The following MCC variants were observed in gnomAD, a reference collection of about 807,000 sequenced individuals.
MCC encodes the protein colorectal mutant cancer protein.
In MCC, 90 loss-of-function variants were observed where a neutral mutation model predicts 116.2. The ratio of observed to expected loss-of-function variants is 0.77; its 90% confidence interval spans 0.65 to 0.92. The LOEUF (loss-of-function observed/expected upper bound fraction) is 0.92. Ranked by LOEUF, MCC falls within the 40% of genes least tolerant of loss-of-function variation. The pLI is 0.00. For missense variants in MCC, 1,516 were observed against 1,312.2 expected, an observed-to-expected ratio of 1.16 and a Z score of -2.40; for synonymous variants, 578 against 510.5, an observed-to-expected ratio of 1.13 and a Z score of -1.78.
chr5:113,078,278 A>G (rs1327572112), intron 11 of MCC, among the ~76,000 whole-genome samples: 1 of 152,250 alleles, frequency 6.6e-6, no homozygotes, highest in Non-Finnish European at 1.5e-5. Context: ...CAATAGAAAA[A>G]GAGGGAATCC....
At chr5:113,203,074 A>C (rs1471912744) in intron 3 of MCC, among the ~76,000 whole-genome samples, 2 of 152,140 alleles carry the variant, frequency 1.3e-5, no homozygotes, top group East Asian at 3.9e-4. Flanking sequence ...TTGTAGAGAG[A>C]AGCCAATACT....
At chr5:113,268,016 C>T (rs1765480707) in intron 3 of MCC, among the ~76,000 whole-genome samples, 1 of 152,094 alleles carries the variant, frequency 6.6e-6, no homozygotes, top group Non-Finnish European at 1.5e-5. Context: ...CCTTTCTGTT[C>T]CCTTCCTTCA....
chr5:113,410,872 G>A (rs544014110), intron 1 of MCC, among the ~76,000 whole-genome samples: 7 of 152,194 alleles, frequency 4.6e-5, no homozygotes, highest in East Asian at 3.9e-4. Context: ...TTTTCTGTCC[G>A]TGTGATAGTT....
chr5:113,365,516 A>G (rs6860495), intron 2 of MCC, among the ~76,000 whole-genome samples: 67,044 of 151,954 alleles, frequency 0.44, 16,253 homozygotes, highest in African/African-American at 0.64. Flanking sequence ...ATCTTCTTCT[A>G]AGCCCTCCAC....
At chr5:113,199,121 T>C (rs1762567749) in intron 3 of MCC, among the ~76,000 whole-genome samples, 1 of 151,784 alleles carries the variant, frequency 6.6e-6, no homozygotes, top group Non-Finnish European at 1.5e-5. Flanking sequence ...TGAGCCAAGA[T>C]TGCACCACTG....
intron 5 of MCC, among the ~76,000 whole-genome samples, chr5:113,137,565 T>G (rs180831358): frequency 1.3e-5 from 2 of 152,266 alleles, no homozygotes; most frequent in East Asian, 3.9e-4. Flanking sequence ...TGAATGACCT[T>G]TTTATTGTGC....
At chr5:113,278,275 G>A (rs1331517012) in intron 3 of MCC, among the ~76,000 whole-genome samples, 1 of 152,098 alleles carries the variant, frequency 6.6e-6, no homozygotes, top group East Asian at 1.9e-4. Flanking sequence ...CTAAAGACAG[G>A]ATCTGTCTCA....
At chr5:113,083,781 T>G (rs1321770153) in intron 10 of MCC, among the ~76,000 whole-genome samples, 1 of 152,186 alleles carries the variant, frequency 6.6e-6, no homozygotes, top group Non-Finnish European at 1.5e-5. Context: ...TCTTGGTCTC[T>G]GGGGTAGCAG....
chr5:113,425,183 A>G (rs7448915), intron 1 of MCC, among the ~76,000 whole-genome samples: 27,949 of 152,054 alleles, frequency 0.18, 3,042 homozygotes, highest in Admixed American at 0.31. Flanking sequence ...GTCTTATAAA[A>G]GGATTGGGAA....
chr5:113,484,774 A>G (rs1415696481), intron 1 of MCC, among the ~76,000 whole-genome samples: 2 of 152,214 alleles, frequency 1.3e-5, no homozygotes, highest in Admixed American at 6.5e-5. Context: ...ATTGAACGGT[A>G]AAAACAAAAA....
intron 1 of MCC, among the ~76,000 whole-genome samples, chr5:113,396,488 AT>A (rs1370195615): frequency 6.6e-6 from 1 of 151,592 alleles, no homozygotes; most frequent in Non-Finnish European, 1.5e-5. Context: ...AAAAAAAAAA[AT>A]AGCCAGATGT....
At chr5:113,215,594 G>A (rs986009200) in intron 3 of MCC, among the ~76,000 whole-genome samples, 6 of 152,110 alleles carry the variant, frequency 3.9e-5, no homozygotes. Flanking sequence ...CGGCTGACTT[G>A]CCCTTCTGCC....
chr5:113,208,235 C>T (rs977264755), intron 3 of MCC, among the ~76,000 whole-genome samples: 1 of 152,134 alleles, frequency 6.6e-6, no homozygotes, highest in Non-Finnish European at 1.5e-5. Context: ...TGACATATCA[C>T]AGTCACCAGA....
rs138448955 is a variant in MCC, at chr5:113,237,128, G to T, written c.628-85706C>A. Among the ~76,000 whole-genome samples the T allele has an allele frequency of 5.2e-3, 795 of 152,314 alleles. 3 individuals are homozygous for T. The highest frequency in any genetic ancestry group is 0.037 in the Middle Eastern group (11 of 294). ...AAACTTGGAAATGTATACGCCTTCA[G>T]GGAATAAATCATGGCGTATACAATC... On this transcript the variant is annotated intron_variant, in intron 3 of 18. Coordinates refer to ENST00000408903, the MANE Select transcript of MCC (RefSeq NM_001085377.2).
At chr5:113,279,257 C>T (rs1027687889) in intron 3 of MCC, among the ~76,000 whole-genome samples, 2 of 152,112 alleles carry the variant, frequency 1.3e-5, no homozygotes, top group African/African-American at 2.4e-5. Flanking sequence ...ACATAAGCAC[C>T]AATGTTCAAT....
chr5:113,369,056 G>C (rs1768772433), intron 2 of MCC, among the ~76,000 whole-genome samples: 1 of 152,148 alleles, frequency 6.6e-6, no homozygotes, highest in Admixed American at 6.5e-5. Flanking sequence ...CATGTGGGAG[G>C]GGACGTAGAG....
At chr5:113,281,543 T>C (rs114437660) in intron 3 of MCC, among the ~76,000 whole-genome samples, 1,989 of 152,234 alleles carry the variant, frequency 0.013, 51 homozygotes, top group African/African-American at 0.045. Flanking sequence ...ACAAGAGGGA[T>C]TGAAAACAAT....
chr5:113,309,208 G>A (rs1179739975), intron 3 of MCC, among the ~76,000 whole-genome samples: 1 of 152,082 alleles, frequency 6.6e-6, no homozygotes, highest in Non-Finnish European at 1.5e-5. Flanking sequence ...TTAAATTTCA[G>A]TAGCTTTAGA....
Position 113,040,158 on chromosome 5 carries a change from T to C in MCC, c.2756+3372A>G, listed in dbSNP as rs1751601899. 1.3e-5 allele frequency among the ~76,000 whole-genome samples: 2 copies of C among 148,290 alleles called. 1 individual carries two copies. On this transcript the variant is annotated intron_variant, in intron 17 of 18. Coordinates refer to ENST00000408903, the MANE Select transcript of MCC (RefSeq NM_001085377.2). Reference sequence around the variant, plus strand: ...GTAGGGGGAACGAAATCAGACCAGATGGGAGTTATACATACAGTAAAGGCG... The same window carrying C: ...GTAGGGGGAACGAAATCAGACCAGACGGGAGTTATACATACAGTAAAGGCG...
Sources: gnomAD v4.1 joint callset for allele counts (sites outside exome capture counted in the v4.1 genomes callset) on GRCh38, gnomAD v4.1.1 for gene constraint, MANE v1.5 for transcripts, NCBI Gene and HGNC (gene_info 2026-07-23, HGNC 2026-07-21) for gene names.